The following GCN1 variants were observed in gnomAD, a reference collection of about 807,000 sequenced individuals.
GCN1 encodes stalled ribosome sensor GCN1.
Under a neutral mutation model 288.4 loss-of-function variants are expected in GCN1, and 90 were observed. The ratio of observed to expected loss-of-function variants is 0.31; its 90% CI spans 0.26 to 0.37. The LOEUF (loss-of-function observed/expected upper bound fraction) is 0.37. Ranked by LOEUF, GCN1 falls within the 10% of genes least tolerant of loss-of-function variation. The pLI, the probability that GCN1 is intolerant of heterozygous loss-of-function variation, is 1.00. For missense variants in GCN1, 2,586 were observed against 3,419.9 expected (o/e 0.76, Z 6.08); for synonymous variants, 1,386 against 1,420.2 (o/e 0.98, Z 0.54).
chr12:120,174,521 A>C (rs1157898668), intron 12 of GCN1, among the ~76,000 whole-genome samples: 1 of 152,162 alleles, frequency 6.6e-6, no homozygotes, highest in Non-Finnish European at 1.5e-5. Flanking sequence ...GGCCAGGCGC[A>C]GTGGCTCACG....
chr12:120,160,035 G>A lies in GCN1; in HGVS notation c.2551-12C>T. 2 of 1,613,590 alleles carry A rather than the reference G, an allele frequency of 1.2e-6. No individual in the cohort carries two copies. The highest frequency in any genetic ancestry group is 1.7e-6 in the Non-Finnish European group (2 of 1,179,470). On this transcript the variant is annotated splice_polypyrimidine_tract_variant and intron_variant, in intron 23 of 57. Transcript: ENST00000300648. ...AGCTCCCCATCCAGCTGCAAGCAGAGTTGTCCAGAAGGCAGGTCAGCAGGG... is the reference window on the plus strand; with the variant it reads ...AGCTCCCCATCCAGCTGCAAGCAGAATTGTCCAGAAGGCAGGTCAGCAGGG...
intron 3 of GCN1, 140 bp from the exon 4 acceptor site, chr12:120,184,383 G>C (rs1308647749): frequency 1.4e-6 from 1 of 711,866 alleles, no homozygotes; most frequent in Admixed American, 2.9e-5. Flanking sequence ...AAGGGATTAG[G>C]AAATAACTAG....
rs577657162 is a variant in GCN1 at position 120,159,938 on chromosome 12, A to G, written c.2636T>C (p.Val879Ala). The stretch of plus-strand genomic sequence containing the variant: ...CAAGGGCAGAAAAGAGTCGACCAAA[A>G]CAGGGATGTACTGGGTCAGGCCGGA... Reference protein sequence around the residue: ...NPSGLTQYIPVLVDSFLPLLK... With the variant: ...NPSGLTQYIPALVDSFLPLLK... Residue 879 changes from valine (V) to alanine (A), a missense_variant, in exon 24 of 58, where the codon GTT (valine) becomes GCT (alanine). Physicochemically the swap from Val to Ala is moderately conservative, Grantham distance 64. This residue lies in a region of GCN1 where 913 missense variants were observed against 1,107.0 expected (regional missense o/e 0.82). Coordinates refer to ENST00000300648, the MANE Select transcript of GCN1 (RefSeq NM_006836.2). 2.4e-5 allele frequency: 38 copies of G among 1,614,010 alleles called. 1 individual carries two copies. In the South Asian group the frequency reaches 2.9e-4, roughly 12 times the overall value.
chr12:120,187,007 C>T (rs1054424586), intron 2 of GCN1, among the ~76,000 whole-genome samples: 1 of 152,112 alleles, frequency 6.6e-6, no homozygotes, highest in African/African-American at 2.4e-5. Flanking sequence ...CCAGAAAAAC[C>T]GTCGAGGATG....
chr12:120,184,473 C>A (rs931145531), intron 3 of GCN1, among the ~76,000 whole-genome samples: 1 of 152,230 alleles, frequency 6.6e-6, no homozygotes, highest in South Asian at 2.1e-4. Context: ...GCAGCACCTA[C>A]ATTTATGGAG....
At chr12:120,131,460 C>T (rs1876819590) in intron 54 of GCN1, 127 bp from the exon 55 acceptor site, 1 of 834,008 alleles carries the variant, frequency 1.2e-6, no homozygotes, top group East Asian at 2.5e-5. Context: ...AACTCCAGGC[C>T]ACATTCACAT....
chr12:120,170,203 C>T lies in GCN1; in HGVS notation c.1485G>A (p.Leu495=), dbSNP rs1461268498. Residue 495 remains leucine, a synonymous_variant, in exon 15 of 58, where the codon TTG becomes TTA. Coordinates refer to ENST00000300648, the MANE Select transcript of GCN1 (RefSeq NM_006836.2). ...AGTCAGCCACTGACAACTTTAAGAG[C>T]AACAAGGCTGCGGCAACCCCTTCAG... ...TITEGVAAAL[L]LLKLSVADSQ... 1 of 1,614,064 alleles carries T rather than the reference C, an allele frequency of 6.2e-7. No homozygotes were observed. The highest frequency in any genetic ancestry group is 1.7e-5 in the Admixed American group (1 of 59,990).
chr12:120,138,030 AGGTGGCGTTGTCAGCT>A lies in GCN1; in HGVS notation c.6250-2_6263del. 1 of 1,613,382 alleles carries A rather than the reference AGGTGGCGTTGTCAGCT, an allele frequency of 6.2e-7. No homozygotes were observed. Among genetic ancestry groups the A allele is most frequent in the Non-Finnish European group, 8.5e-7 (1 of 1,179,696 alleles). On this transcript the variant is annotated splice_acceptor_variant and coding_sequence_variant, in exon 48 of 58. Coordinates refer to ENST00000300648, the MANE Select transcript of GCN1 (RefSeq NM_006836.2). LOFTEE classifies it high-confidence loss of function. ...GGAAAGCCAGCACCCGGGTGTTGAC[AGGTGGCGTTGTCAGCT>A]GGTGGAATGACAAACATTAACTCAG...
At position 120,145,488 on chromosome 12, in the gene GCN1, G is replaced by GT. The variant is rs1831547759; in HGVS notation, c.4948-159dup. Among the ~76,000 whole-genome samples, 5 of 152,282 alleles carry GT rather than the reference G, an allele frequency of 3.3e-5. No homozygotes were observed. In the South Asian group the frequency reaches 1.0e-3, roughly 32 times the overall value. On this transcript the variant is annotated intron_variant, in intron 38 of 57. Transcript: ENST00000300648. ...ACTGCCCACGGAACAGGGAGGGCAA[G>GT]TAAGTCCCCTCTCCGACTGGTTCCT...
At chr12:120,132,159 G>A in intron 53 of GCN1, 137 bp from the exon 54 acceptor site, 1 of 646,830 alleles carries the variant, frequency 1.5e-6, no homozygotes. Context: ...TCAAGATCCA[G>A]TCCTTCCTGT....
At chr12:120,191,456 G>A (rs1879001029) in intron 1 of GCN1, among the ~76,000 whole-genome samples, 1 of 152,202 alleles carries the variant, frequency 6.6e-6, no homozygotes, top group Non-Finnish European at 1.5e-5. Context: ...GGATTCATAA[G>A]CCGTAGAGCA....
chr12:120,192,929 G>A (rs1879052422), intron 1 of GCN1, among the ~76,000 whole-genome samples: 1 of 151,892 alleles, frequency 6.6e-6, no homozygotes, highest in Admixed American at 6.6e-5. Flanking sequence ...CCAGCTACTC[G>A]GGAAGCTGAG....
At position 120,164,377 on chromosome 12, in the gene GCN1, C is replaced by T. The variant is rs2139118110; in HGVS notation, c.1807G>A (p.Gly603Arg). Residue 603 changes from glycine to arginine, a missense_variant, in exon 18 of 58, where the codon GGA becomes AGA. Physicochemically the swap from Gly to Arg is moderately radical, Grantham distance 125. Coordinates refer to ENST00000300648, the MANE Select transcript of GCN1 (RefSeq NM_006836.2). ...ACAGTCTTCAGCTCCTCCAAGAGTC[C>T]GTGCGCCAGCTTAAAGCCCCCAAGA... ...SSLGGFKLAH[G>R]LLEELKTVLS... 1.9e-6 allele frequency: 3 copies of T among 1,614,174 alleles called. No individual in the cohort carries two copies. Among genetic ancestry groups the T allele is most frequent in the Non-Finnish European group, 2.5e-6 (3 of 1,180,028 alleles).
chr12:120,172,005 GC>G (rs1801136846), intron 14 of GCN1, among the ~76,000 whole-genome samples: 3 of 152,144 alleles, frequency 2.0e-5, no homozygotes, highest in Admixed American at 1.3e-4. Flanking sequence ...GGGACCACAG[GC>G]ATGTACCACC....
In GCN1 at chr12:120,178,662, G is replaced by A. The variant is rs748255642; in HGVS notation, c.623C>T (p.Thr208Met). Residue 208 changes from threonine to methionine, a missense_variant, in exon 7 of 58, where the codon ACG becomes ATG. By Grantham distance (81) the Thr-to-Met change is moderately conservative. Around this residue, in one of 8 missense-constraint regions of GCN1, gnomAD observed 913 missense variants for 1,107.0 expected, o/e 0.82. Transcript: ENST00000300648. ...GMLGLLVQFC[T>M]SHKEMDVVSQ... ...GACCACGTCCATCTCCTTGTGACTC[G>A]TGCAGAACTGCACCAGCAGCCCCAG... The A allele has an allele frequency of 2.2e-5, 35 of 1,614,030 alleles. No individual in the cohort carries two copies. Among genetic ancestry groups the A allele is most frequent in the South Asian group, 5.5e-5 (5 of 91,090 alleles).
At chr12:120,143,043 A>G (rs1164827861) in intron 42 of GCN1, 102 bp from the exon 43 acceptor site, 2 of 667,286 alleles carry the variant, frequency 3.0e-6, no homozygotes, top group East Asian at 2.5e-5. Context: ...CAAAATACTC[A>G]TGACGGTCAT....
chr12:120,133,501 G>A (rs150156569), intron 53 of GCN1, among the ~76,000 whole-genome samples: 6 of 152,140 alleles, frequency 3.9e-5, no homozygotes, highest in African/African-American at 9.6e-5. Flanking sequence ...TCTCACCCTC[G>A]AAAATAGACC....
In GCN1 at chr12:120,147,277, A is replaced by G. The variant is rs1877392381; in HGVS notation, c.4727-5T>C. The stretch of plus-strand genomic sequence containing the variant: ...CCAGGAGGACTGGAGCAATGGCTGC[A>G]CATCCAAAGAGAAGAGAGCTGGATG... On this transcript the variant is annotated splice_region_variant and splice_polypyrimidine_tract_variant and intron_variant, in intron 37 of 57. Transcript: ENST00000300648. 7 of 1,556,616 alleles carry G rather than the reference A, an allele frequency of 4.5e-6. No homozygotes were observed. Among genetic ancestry groups the G allele is most frequent in the Non-Finnish European group, 6.2e-6 (7 of 1,135,828 alleles).
At chr12:120,159,756 G>A in intron 24 of GCN1, 69 bp downstream of exon 24, 1 of 1,376,288 alleles carries the variant, frequency 7.3e-7, no homozygotes, top group South Asian at 1.2e-5. Flanking sequence ...AAGCACTCAG[G>A]GGCACACCCT....
Sources: gnomAD v4.1 joint callset for allele counts (sites outside exome capture counted in the v4.1 genomes callset) on GRCh38, gnomAD v4.1.1 for gene constraint, gnomAD v4.1.1 regional missense constraint, MANE v1.5 for transcripts, NCBI Gene and HGNC (gene_info 2026-07-23, HGNC 2026-07-21) for gene names.